Variants in MOV10 observed in about 807,000 individuals in gnomAD.
MOV10 encodes the protein Mov10 RNA helicase.
A neutral mutation model predicts 108.4 loss-of-function variants in MOV10; 39 were observed. The ratio of observed to expected loss-of-function variants is 0.36; its 90% CI spans 0.28 to 0.47. The LOEUF (loss-of-function observed/expected upper bound fraction) is 0.47, where lower values mean the gene tolerates loss of function less well. Ranked by LOEUF, MOV10 falls within the 20% of genes least tolerant of loss-of-function variation. MOV10 has a pLI of 1.00. For missense variants in MOV10, 952 were observed against 1,297.6 expected (o/e 0.73, Z 4.09); for synonymous variants, 490 against 523.1 (o/e 0.94, Z 0.86).
At chr1:112,699,583 C>G in intron 17 of MOV10, 102 bp from the exon 18 acceptor site, 1 of 1,552,110 alleles carries the variant, frequency 6.4e-7, no homozygotes, top group African/African-American at 1.4e-5. Flanking sequence ...CTACAATTGC[C>G]CAGTGACCTC....
At chr1:112,687,581 G>A (rs1175506344) in intron 2 of MOV10, among the ~76,000 whole-genome samples, 1 of 152,174 alleles carries the variant, frequency 6.6e-6, no homozygotes. Flanking sequence ...TCAAGTCCAG[G>A]CTTGGCCTGT....
chr1:112,698,633 C>T (rs1674337649), intron 16 of MOV10, 82 bp from the exon 17 acceptor site: 1 of 1,511,120 alleles, frequency 6.6e-7, no homozygotes, highest in Non-Finnish European at 9.2e-7. Flanking sequence ...CCCTTTGTTC[C>T]CCAGCTCCCT....
chr1:112,691,369 G>A (rs2101363681), intron 5 of MOV10, among the ~76,000 whole-genome samples: 1 of 152,232 alleles, frequency 6.6e-6, no homozygotes, highest in Non-Finnish European at 1.5e-5. Context: ...GAAACTTACA[G>A]GGAAAAAAGT....
chr1:112,678,131 G>C (rs1672341915), intron 2 of MOV10, among the ~76,000 whole-genome samples: 1 of 152,076 alleles, frequency 6.6e-6, no homozygotes, highest in Non-Finnish European at 1.5e-5. Flanking sequence ...CCAACTGTAA[G>C]AGTATGTAAA....
chr1:112,694,169 T>C lies in MOV10; in HGVS notation c.1292T>C (p.Met431Thr). ...ELDRVKLSFS[M>T]SLLSRFVDGL... ...GACCGTGTCAAGCTGAGCTTTTCCA[T>C]GAGGTGGGTGTTGGGGGAACCCTGA... Residue 431 changes from methionine to threonine, a missense_variant, in exon 8 of 21, where the codon ATG becomes ACG. Physicochemically the swap from Met to Thr is moderately conservative, Grantham distance 81. Transcript: ENST00000369645. The surrounding 1 kb of genome is among the most constrained non-coding windows in gnomAD (Gnocchi z 4.1). 1 of 1,614,048 alleles carries C rather than the reference T, an allele frequency of 6.2e-7. No individual in the cohort carries two copies.
At position 112,694,040 on chromosome 1, in the gene MOV10, G is replaced by A. The variant is rs558568709; in HGVS notation, c.1163G>A (p.Arg388His). The A allele has an allele frequency of 7.1e-5, 115 of 1,614,064 alleles. 1 individual carries two copies. In the South Asian group the frequency reaches 7.2e-4, roughly 10 times the overall value. Residue 388 changes from arginine (R) to histidine (H), a missense_variant, in exon 8 of 21, where the codon CGC becomes CAC. Coordinates refer to ENST00000369645, the MANE Select transcript of MOV10 (RefSeq NM_001321324.2). The surrounding 1 kb of genome is among the most constrained non-coding windows in gnomAD (Gnocchi z 4.1). Reference protein sequence around the residue: ...TLEVPGVTESRPSVLRGDHLF... With the variant: ...TLEVPGVTESHPSVLRGDHLF... ...TAGGTTCCTGGAGTGACTGAGAGCC[G>A]CCCCTCAGTGCTACGGGGCGACCAC... is the stretch of plus-strand genomic sequence containing the variant.
chr1:112,692,120 A>C (rs1673639220), intron 6 of MOV10, among the ~76,000 whole-genome samples: 1 of 152,188 alleles, frequency 6.6e-6, no homozygotes, highest in Admixed American at 6.5e-5. Flanking sequence ...ATTTAAGCCC[A>C]AGAGTTCAAG....
In MOV10 at chr1:112,699,874, ACAC is replaced by A. The variant is rs1337305613; in HGVS notation, c.2710-16_2710-14del. On this transcript the variant is annotated splice_polypyrimidine_tract_variant and intron_variant, in intron 18 of 20. Transcript: ENST00000369645. ...CTCGGGGCTCTTCCCTCCCATGACC[ACAC>A]CACTTCTTCCTTCCAGAGGTTCAAT... 6.2e-7 allele frequency: 1 copy of A among 1,613,922 alleles called. No individual in the cohort carries two copies. The highest frequency in any genetic ancestry group is 2.2e-5 in the East Asian group (1 of 44,856).
intron 2 of MOV10, among the ~76,000 whole-genome samples, chr1:112,684,698 T>C (rs918090908): frequency 6.6e-6 from 1 of 152,258 alleles, no homozygotes; most frequent in Admixed American, 6.5e-5. Context: ...ATACCCATTA[T>C]AGTAATATAT....
At position 112,689,131 on chromosome 1, in the gene MOV10, T is replaced by A; in HGVS notation, c.334T>A (p.Tyr112Asn). The A allele has an allele frequency of 6.3e-7, 1 of 1,597,854 alleles. No homozygotes were observed. The highest frequency in any genetic ancestry group is 1.1e-5 in the South Asian group (1 of 89,438). ...HHKSLLAKIF[Y>N]DRAEYLHGKH... is the part of the protein sequence containing the mutation. ...CAAGTCACTGCTAGCCAAGATCTTT[T>A]ATGACAGGTGTGTGTGTGTTGTATG... is the stretch of plus-strand genomic sequence containing the variant. The change falls in exon 3 of 21, where the codon TAT (tyrosine) becomes AAT (asparagine). Residue 112 changes from tyrosine (Y) to asparagine (N), a missense_variant. Physicochemically the swap from Tyr to Asn is moderately radical, Grantham distance 143. Transcript: ENST00000369645.
intron 2 of MOV10, among the ~76,000 whole-genome samples, chr1:112,681,177 TA>T (rs891165342): frequency 2.0e-5 from 3 of 151,952 alleles, no homozygotes; most frequent in African/African-American, 7.3e-5. Flanking sequence ...GTGGTTTTTT[TA>T]GTCATTGTTT....
At chr1:112,700,037 A>T in intron 19 of MOV10, 55 bp downstream of exon 19, 1 of 1,603,934 alleles carries the variant, frequency 6.2e-7, no homozygotes, top group South Asian at 1.1e-5. Flanking sequence ...TGCCTAGGGC[A>T]GGTGGATCTT....
chr1:112,684,893 T>C (rs1672952026), intron 2 of MOV10: 1 of 152,224 alleles, frequency 6.6e-6, no homozygotes, highest in African/African-American at 2.4e-5. Flanking sequence ...GTAAGAAAAT[T>C]TATATATTAT....
chr1:112,692,821 G>A lies in MOV10; in HGVS notation c.1032G>A (p.Leu344=). 1 of 1,614,078 alleles carries A rather than the reference G, an allele frequency of 6.2e-7. No homozygotes were observed. The highest frequency in any genetic ancestry group is 8.5e-7 in the Non-Finnish European group (1 of 1,180,008). ...ATGAGGTGAAGCTGCGGCTGCTGCT[G>A]CACCTGGAGGAACTGCAGATGGAGC... ...RNYEVKLRLL[L]HLEELQMEHD... The change falls in exon 7 of 21, where the codon CTG becomes CTA. Residue 344 remains leucine (L), a synonymous_variant. Coordinates refer to ENST00000369645, the MANE Select transcript of MOV10 (RefSeq NM_001321324.2).
At chr1:112,699,235 C>G (rs1252246990) in intron 17 of MOV10, 1 of 225,586 alleles carries the variant, frequency 4.4e-6, no homozygotes, top group Non-Finnish European at 8.7e-6. Flanking sequence ...AGCCAGGGCA[C>G]TGGTAGTTTT....
chr1:112,675,653 A>T lies in MOV10; in HGVS notation c.137+604A>T, dbSNP rs1295555255. On this transcript the variant is annotated intron_variant, in intron 2 of 20. Coordinates refer to ENST00000369645, the MANE Select transcript of MOV10 (RefSeq NM_001321324.2). This position sits in a 1 kb window ranked among gnomAD's most constrained non-coding sequence, Gnocchi z 4.7. The stretch of plus-strand genomic sequence containing the variant: ...ATTAGCACCTGTGGCTTCTCCATGG[A>T]GACCCAGGGGCAGAGCCAGCCTTCT... Among the ~76,000 whole-genome samples the T allele has an allele frequency of 5.3e-5, 8 of 152,252 alleles. No homozygotes were observed. The highest frequency in any genetic ancestry group is 5.2e-4 in the Admixed American group (8 of 15,292).
intron 2 of MOV10, among the ~76,000 whole-genome samples, chr1:112,679,965 C>G (rs898423549): frequency 1.3e-5 from 2 of 152,010 alleles, no homozygotes; most frequent in African/African-American, 4.8e-5. Flanking sequence ...AGGAATTTAT[C>G]CCATTAGACT....
At chr1:112,690,177 G>C (rs1570782671) in intron 5 of MOV10, 79 bp downstream of exon 5, 1 of 1,525,092 alleles carries the variant, frequency 6.6e-7, no homozygotes, top group East Asian at 2.3e-5. Flanking sequence ...AGAGCACAGA[G>C]CTGGGAGCCA....
chr1:112,697,174 G>A (rs1674180787), intron 14 of MOV10, among the ~76,000 whole-genome samples: 1 of 152,170 alleles, frequency 6.6e-6, no homozygotes, highest in South Asian at 2.1e-4. Context: ...ATAGGGAGGA[G>A]GTCGGGCACA....
Sources: allele counts gnomAD v4.1 joint callset (sites outside exome capture counted in the v4.1 genomes callset), GRCh38; gene constraint gnomAD v4.1.1; non-coding constraint Gnocchi (gnomAD v3.1); transcripts MANE v1.5; gene names NCBI Gene and HGNC (gene_info 2026-07-23, HGNC 2026-07-21).